The following COPG2 variants were observed in gnomAD, a reference collection of about 807,000 sequenced individuals.
The protein encoded by COPG2 is coatomer subunit gamma-2.
A neutral mutation model predicts 46.3 loss-of-function variants in COPG2; 37 were observed. The ratio of observed to expected loss-of-function variants is 0.80; its 90% confidence interval spans 0.61 to 1.05. COPG2 has a LOEUF of 1.05. Among genes scored for constraint, COPG2 ranks in the 50% least tolerant of loss-of-function variants. The pLI, the probability that COPG2 is intolerant of heterozygous loss-of-function variation, is 0.00. For synonymous variants in COPG2, 159 were observed against 129.7 expected (o/e 1.23, Z -1.53); for missense variants, 427 against 387.8 (o/e 1.10, Z -0.85).
At chr7:130,629,395 TATCA>T (rs1365705849) in intron 5 of COPG2, among the ~76,000 whole-genome samples, 2 of 135,598 alleles carry the variant, frequency 1.5e-5, no homozygotes, top group Middle Eastern at 3.8e-3. Flanking sequence ...TTATTATTAT[TATCA>T]TTTTTTTTTT....
chr7:130,617,179 C>T (rs1563060763), intron 5 of COPG2, 114 bp from the exon 6 acceptor site: 1 of 570,234 alleles, frequency 1.8e-6, no homozygotes, highest in African/African-American at 1.9e-5. Context: ...ACTAATTCAA[C>T]AAATATTTAT....
intron 5 of COPG2, among the ~76,000 whole-genome samples, chr7:130,626,043 A>T (rs1172011604): frequency 6.6e-6 from 1 of 152,366 alleles, no homozygotes; most frequent in East Asian, 1.9e-4. Context: ...CATAGAATGC[A>T]TAGTTATCAC....
intron 5 of COPG2, among the ~76,000 whole-genome samples, chr7:130,629,948 G>C (rs1336311795): frequency 7.0e-6 from 1 of 143,172 alleles, no homozygotes; most frequent in South Asian, 2.2e-4. Flanking sequence ...ACAGAGTTTC[G>C]CTCTTGTCGC....
intron 5 of COPG2, among the ~76,000 whole-genome samples, chr7:130,638,037 G>C (rs990857897): frequency 4.6e-5 from 7 of 152,168 alleles, no homozygotes; most frequent in African/African-American, 1.4e-4. Context: ...CTGTTTGCCT[G>C]GGTATCACCA....
In COPG2 at chr7:130,507,162, G is replaced by A. The variant is rs1799509300; in HGVS notation, c.2485+112C>T. 3 of 698,644 alleles carry A rather than the reference G, an allele frequency of 4.3e-6. No individual in the cohort carries two copies. In the African/African-American group the frequency reaches 5.3e-5, roughly 12 times the overall value. 43.3% of individuals were successfully genotyped at this position (698,644 alleles called of 1,614,324 possible). A position where few individuals can be genotyped will look rare whatever the true frequency, so the allele number is the denominator to read the frequency against. On this transcript the variant is annotated intron_variant, in intron 23 of 23. Transcript: ENST00000425248. Reference sequence around the variant, plus strand: ...ATTCATTTTGACTGGGTATCAAATTGTTACTCATATAATGGGATGATGGGA... The same window carrying A: ...ATTCATTTTGACTGGGTATCAAATTATTACTCATATAATGGGATGATGGGA...
intron 9 of COPG2, among the ~76,000 whole-genome samples, chr7:130,598,016 A>T (rs969821617): frequency 2.6e-5 from 4 of 152,180 alleles, no homozygotes; most frequent in African/African-American, 9.7e-5. Context: ...CCCAAATGAC[A>T]CCCAGGGGGA....
intron 4 of COPG2, among the ~76,000 whole-genome samples, chr7:130,658,422 T>A (rs1043434023): frequency 6.6e-6 from 1 of 152,172 alleles, no homozygotes; most frequent in Non-Finnish European, 1.5e-5. Flanking sequence ...ACGGGGGAAC[T>A]TTTTGAGGAG....
At chr7:130,539,053 G>A (rs1422016788) in intron 20 of COPG2, among the ~76,000 whole-genome samples, 1 of 152,188 alleles carries the variant, frequency 6.6e-6, no homozygotes. Context: ...AGAGGGCAGA[G>A]AGGAGGAAAG....
intron 9 of COPG2, among the ~76,000 whole-genome samples, chr7:130,600,936 T>C (rs1240625268): frequency 1.3e-5 from 2 of 152,136 alleles, no homozygotes; most frequent in Admixed American, 6.5e-5. Flanking sequence ...ACATGAGAGG[T>C]GATGGCCTGT....
chr7:130,538,422 GGAA>G (rs1288316288), intron 20 of COPG2, among the ~76,000 whole-genome samples: 1 of 152,008 alleles, frequency 6.6e-6, no homozygotes, highest in African/African-American at 2.4e-5. Context: ...GCAGAAAAGG[GGAA>G]GGAGGAAATC....
In COPG2 at chr7:130,549,678, G is replaced by A. The variant is rs1793504986; in HGVS notation, c.1775-302C>T. On this transcript the variant is annotated intron_variant, in intron 17 of 23. Transcript: ENST00000425248. ...CAATTTATTTTAAAAATCTTCTCATGATCAAAATAGGAAAAATTACTTATA... is the reference window on the plus strand; with the variant it reads ...CAATTTATTTTAAAAATCTTCTCATAATCAAAATAGGAAAAATTACTTATA... Among the ~76,000 whole-genome samples, 4 of 152,246 alleles carry A rather than the reference G, an allele frequency of 2.6e-5. No homozygotes were observed. The South Asian group carries it at 8.3e-4, about 32-fold the overall frequency.
intron 9 of COPG2, among the ~76,000 whole-genome samples, chr7:130,587,945 A>T (rs1554448313): frequency 1.3e-5 from 2 of 152,216 alleles, no homozygotes; most frequent in African/African-American, 4.8e-5. Flanking sequence ...ACAAATTTAC[A>T]AGAAAAAAAA....
chr7:130,619,910 C>T (rs558726528), intron 5 of COPG2, among the ~76,000 whole-genome samples: 1 of 152,142 alleles, frequency 6.6e-6, no homozygotes, highest in Admixed American at 6.5e-5. Context: ...TGGCTGAAGT[C>T]GGACTTAGTT....
chr7:130,517,922 G>T (rs1799692283), intron 20 of COPG2, among the ~76,000 whole-genome samples: 2 of 118,198 alleles, frequency 1.7e-5, no homozygotes, highest in African/African-American at 5.1e-5. Context: ...GGTTAAATGT[G>T]TGTTGTTGAA....
intron 20 of COPG2, among the ~76,000 whole-genome samples, chr7:130,519,390 G>A (rs1398598930): frequency 6.6e-6 from 1 of 152,166 alleles, no homozygotes; most frequent in Admixed American, 6.5e-5. Flanking sequence ...GTCAGAGCAG[G>A]GATCCCAGGA....
At chr7:130,524,486 G>A (rs938098080) in intron 20 of COPG2, among the ~76,000 whole-genome samples, 2 of 152,162 alleles carry the variant, frequency 1.3e-5, no homozygotes, top group African/African-American at 2.4e-5. Context: ...GAGGACAGAG[G>A]AGAGGTGTTC....
intron 9 of COPG2, among the ~76,000 whole-genome samples, chr7:130,566,755 T>TGA (rs1793809884): frequency 2.0e-5 from 3 of 152,188 alleles, no homozygotes; most frequent in African/African-American, 7.2e-5. Context: ...TGGCAGGATG[T>TGA]GACAGTGATG....
At chr7:130,554,350 T>A in intron 14 of COPG2, 131 bp downstream of exon 14, 1 of 395,316 alleles carries the variant, frequency 2.5e-6, no homozygotes, top group South Asian at 1.4e-4. Context: ...AAGAAAGATA[T>A]CTGGGCCCTA....
intron 9 of COPG2, chr7:130,564,638 G>A (rs1793773886): frequency 3.2e-6 from 1 of 316,366 alleles, no homozygotes; most frequent in Non-Finnish European, 5.7e-6. Context: ...AAAAGTAGCT[G>A]AATCTTAGTA....
Sources: gnomAD v4.1 joint callset for allele counts (sites outside exome capture counted in the v4.1 genomes callset) on GRCh38, gnomAD v4.1.1 for gene constraint, MANE v1.5 for transcripts, NCBI Gene and HGNC (gene_info 2026-07-23, HGNC 2026-07-21) for gene names.